The following TRMT2A variants were observed in gnomAD, a reference collection of about 807,000 sequenced individuals.
TRMT2A encodes tRNA methyltransferase 2A, also known as tRNA (uracil-5-)-methyltransferase homolog A.
In TRMT2A, 60 loss-of-function variants were observed where a neutral mutation model predicts 59.3. That is an observed-to-expected ratio of 1.01 (90% CI 0.82 to 1.26). TRMT2A has a LOEUF of 1.26. Among genes scored for constraint, TRMT2A ranks in the 50% most tolerant of loss-of-function variants. The pLI, the probability that TRMT2A is intolerant of heterozygous loss-of-function variation, is 0.00. For missense variants in TRMT2A, 863 were observed against 845.2 expected (o/e 1.02, Z -0.26); for synonymous variants, 403 against 353.7 (o/e 1.14, Z -1.56).
intron 1 of TRMT2A, 60 bp downstream of exon 1, chr22:20,116,823 A>ACCCCCCCCCCCCCCCC: frequency 7.7e-7 from 1 of 1,294,022 alleles, no homozygotes; most frequent in Non-Finnish European, 1.1e-6. Flanking sequence ...AGGTTTCCTG[A>ACCCCCCCCCCCCCCCC]CCCACCCCGC....
intron 7 of TRMT2A, among the ~76,000 whole-genome samples, chr22:20,114,213 C>T (rs1164500590): frequency 5.3e-5 from 8 of 152,178 alleles, no homozygotes; most frequent in African/African-American, 1.7e-4. Context: ...TCTCCAAAAA[C>T]GGCCGCTCCA....
chr22:20,116,455 C>T lies in TRMT2A; in HGVS notation c.182G>A (p.Ser61Asn), dbSNP rs2050022818. 1 of 1,612,868 alleles carries T rather than the reference C, an allele frequency of 6.2e-7. No homozygotes were observed. The highest frequency in any genetic ancestry group is 1.3e-5 in the African/African-American group (1 of 75,068). ...TGPGPQPGLY[S>N]YIRDDLFTSE... ...GGTAAACAAGTCATCCCTGATGTAG[C>T]TGTAGAGCCCGGGCTGAGGCCCCGG... is the stretch of plus-strand genomic sequence containing the variant. The change falls in exon 2 of 12, where the codon AGC becomes AAC. Residue 61 changes from serine (S) to asparagine (N), a missense_variant. Ser to Asn is a conservative substitution (Grantham distance 46). Transcript: ENST00000252136.
chr22:20,115,429 A>G lies in TRMT2A; in HGVS notation c.727T>C (p.Cys243Arg), dbSNP rs754700959. 1 of 1,609,846 alleles carries G rather than the reference A, an allele frequency of 6.2e-7. No individual in the cohort carries two copies. Among genetic ancestry groups the G allele is most frequent in the Non-Finnish European group, 8.5e-7 (1 of 1,178,780 alleles). ...SPQQTEYRNK[C>R]EFLVGVGVDG... Reference sequence around the variant, plus strand: ...ACCCCGACGCCAACCAGAAACTCACACTTATTACGATACTCAGTCTGCAGG... The same window carrying G: ...ACCCCGACGCCAACCAGAAACTCACGCTTATTACGATACTCAGTCTGCAGG... Residue 243 changes from cysteine (C) to arginine (R), a missense_variant, in exon 4 of 12, where the codon TGT becomes CGT. Cys to Arg is a radical substitution (Grantham distance 180, BLOSUM62 -3). Coordinates refer to ENST00000252136, the MANE Select transcript of TRMT2A (RefSeq NM_022727.6).
intron 2 of TRMT2A, 40 bp from the exon 3 acceptor site, chr22:20,115,820 GC>G: frequency 6.4e-7 from 1 of 1,568,076 alleles, no homozygotes; most frequent in Non-Finnish European, 8.7e-7. Context: ...TCCACCTACT[GC>G]CCCCGACCCA....
Position 20,113,443 on chromosome 22 carries a change from G to T in TRMT2A, c.1421C>A (p.Ala474Asp), listed in dbSNP as rs2049910552. Residue 474 changes from alanine to aspartate, a missense_variant, in exon 9 of 12, where the codon GCC becomes GAC. Physicochemically the swap from Ala to Asp is moderately radical, Grantham distance 126. Coordinates refer to ENST00000252136, the MANE Select transcript of TRMT2A (RefSeq NM_022727.6). The stretch of plus-strand genomic sequence containing the variant: ...GCCTTGCCACTCACCATTGTCCTGG[G>T]CGTTCACCCGGGCGTCCTCCACAGC... ...PEAVEDARVN[A>D]QDNELSNVEF... 1.2e-6 allele frequency: 2 copies of T among 1,612,066 alleles called. No homozygotes were observed. Among genetic ancestry groups the T allele is most frequent in the African/African-American group, 2.7e-5 (2 of 74,888 alleles).
chr22:20,113,725 C>T lies in TRMT2A; in HGVS notation c.1317G>A (p.Val439=), dbSNP rs761080550. Residue 439 remains valine (V), a synonymous_variant, in exon 8 of 12, where the codon GTG becomes GTA. Coordinates refer to ENST00000252136, the MANE Select transcript of TRMT2A (RefSeq NM_022727.6). ...GGCCAATGGTGCCGGTGCCACAGCA[C>T]ACGTCCAGCACCATGCTCCCCGCAT... ...QLDAGSMVLD[V]CCGTGTIGLA... 3.1e-6 allele frequency: 5 copies of T among 1,606,456 alleles called. No homozygotes were observed. Among genetic ancestry groups the T allele is most frequent in the South Asian group, 1.1e-5 (1 of 90,228 alleles).
Position 20,115,263 on chromosome 22 carries a change from C to T in TRMT2A, c.890+3G>A. On this transcript the variant is annotated splice_donor_region_variant and intron_variant, in intron 4 of 11. Coordinates refer to ENST00000252136, the MANE Select transcript of TRMT2A (RefSeq NM_022727.6). Reference sequence around the variant, plus strand: ...TCCCGGGAGCCCCGTCACAGGTCCTCACCGGATGAACTCCTGGAAGGCCTT... The same window carrying T: ...TCCCGGGAGCCCCGTCACAGGTCCTTACCGGATGAACTCCTGGAAGGCCTT... 2 of 1,610,180 alleles carry T rather than the reference C, an allele frequency of 1.2e-6. No homozygotes were observed. Among genetic ancestry groups the T allele is most frequent in the Non-Finnish European group, 1.7e-6 (2 of 1,177,870 alleles).
rs745660448 is a variant in TRMT2A at position 20,116,610 on chromosome 22, G to T, written c.27C>A (p.Gly9=). MSENLDNE[G]PKPMESCGQE... is the part of the protein sequence containing the mutation. ...GGCCACAGCTCTCCATGGGCTTCGG[G>T]CCCTGTGTGGGGACAGATGGGGTGC... is the stretch of plus-strand genomic sequence containing the variant. The change falls in exon 2 of 12, where the codon GGC becomes GGA. Residue 9 remains glycine (G), a splice_region_variant and synonymous_variant. Transcript: ENST00000252136. 6.5e-7 allele frequency: 1 copy of T among 1,535,708 alleles called. No individual in the cohort carries two copies. The highest frequency in any genetic ancestry group is 2.3e-5 in the East Asian group (1 of 44,288).
At position 20,114,598 on chromosome 22, in the gene TRMT2A, C is replaced by G; in HGVS notation, c.1209G>C (p.Arg403=). 1.2e-6 allele frequency: 2 copies of G among 1,613,786 alleles called. No individual in the cohort carries two copies. Among genetic ancestry groups the G allele is most frequent in the Non-Finnish European group, 1.7e-6 (2 of 1,180,008 alleles). ...IHEDLLGLTF[R]ISPHAFFQVN... is the part of the protein sequence containing the mutation. ...CCTGGAAGAAGGCGTGTGGAGAGATCCGGAAGGTCAGCCCTAGCAGGTCCT... is the reference window on the plus strand; with the variant it reads ...CCTGGAAGAAGGCGTGTGGAGAGATGCGGAAGGTCAGCCCTAGCAGGTCCT... Residue 403 remains arginine, a synonymous_variant, in exon 7 of 12, where the codon CGG becomes CGC. Coordinates refer to ENST00000252136, the MANE Select transcript of TRMT2A (RefSeq NM_022727.6).
At position 20,116,502 on chromosome 22, in the gene TRMT2A, C is replaced by G; in HGVS notation, c.135G>C (p.Glu45Asp). ...APAALEEVEKEGAGAATGPGP... is the reference protein window; with the variant it reads ...APAALEEVEKDGAGAATGPGP... Reference sequence around the variant, plus strand: ...CCGGCCCTGTAGCCGCCCCAGCGCCCTCTTTCTCCACCTCCTCCAGGGCTG... The same window carrying G: ...CCGGCCCTGTAGCCGCCCCAGCGCCGTCTTTCTCCACCTCCTCCAGGGCTG... Residue 45 changes from glutamate to aspartate, a missense_variant, in exon 2 of 12, where the codon GAG (glutamate) becomes GAC (aspartate). By Grantham distance (45) the Glu-to-Asp change is conservative (BLOSUM62 2). Transcript: ENST00000252136. 1 of 1,612,764 alleles carries G rather than the reference C, an allele frequency of 6.2e-7. No homozygotes were observed.
intron 7 of TRMT2A, among the ~76,000 whole-genome samples, 158 bp downstream of exon 7, chr22:20,114,416 G>A (rs1002288415): frequency 6.6e-6 from 1 of 152,178 alleles, no homozygotes; most frequent in East Asian, 1.9e-4. Flanking sequence ...TCAAATCAGT[G>A]ATGACCAACC....
At chr22:20,114,357 C>T (rs947493044) in intron 7 of TRMT2A, among the ~76,000 whole-genome samples, 2 of 150,464 alleles carry the variant, frequency 1.3e-5, no homozygotes, top group Non-Finnish European at 2.9e-5. Context: ...ACTCCTCATC[C>T]TCCCTGTGAC....
Position 20,112,413 on chromosome 22 carries a change from G to T in TRMT2A, c.*150C>A. 9.4e-7 allele frequency: 1 copy of T among 1,060,102 alleles called. No homozygotes were observed. Among genetic ancestry groups the T allele is most frequent in the Non-Finnish European group, 1.3e-6 (1 of 746,786 alleles). 65.7% of individuals were successfully genotyped at this position (1,060,102 alleles called of 1,614,324 possible). ...CCTGTCTTCCTGGTCAGGGCCCCTG[G>T]CCCCTAGCAGCAGGCCAATCCTGGT... On this transcript the variant is annotated 3_prime_UTR_variant, in exon 12 of 12. Coordinates refer to ENST00000252136, the MANE Select transcript of TRMT2A (RefSeq NM_022727.6).
chr22:20,113,342 G>A, intron 9 of TRMT2A, 90 bp downstream of exon 9: 1 of 1,525,330 alleles, frequency 6.6e-7, no homozygotes, highest in Non-Finnish European at 8.9e-7. Flanking sequence ...TACCTGTCGG[G>A]CAGCCCCCAA....
At chr22:20,116,638 G>A (rs1568976027) in intron 1 of TRMT2A, 26 bp from the exon 2 acceptor site, 2 of 1,521,900 alleles carry the variant, frequency 1.3e-6, no homozygotes, top group East Asian at 2.3e-5. Flanking sequence ...TGGGGTGCTA[G>A]GGTGAGGACT....
Position 20,115,343 on chromosome 22 carries a change from A to T in TRMT2A, c.813T>A (p.Ala271=), listed in dbSNP as rs895691373. 2 of 1,612,810 alleles carry T rather than the reference A, an allele frequency of 1.2e-6. No homozygotes were observed. The highest frequency in any genetic ancestry group is 4.5e-5 in the East Asian group (2 of 44,866). Residue 271 remains alanine (A), a synonymous_variant, in exon 4 of 12, where the codon GCT becomes GCA. Coordinates refer to ENST00000252136, the MANE Select transcript of TRMT2A (RefSeq NM_022727.6). ...GCACGGTGTCAAACGGGGCTGCCAC[A>T]GCACACGTCCCGCCCTTGTACTTGC... is the stretch of plus-strand genomic sequence containing the variant. ...RLGKYKGGTC[A]VAAPFDTVHI...
At position 20,112,306 on chromosome 22, in the gene TRMT2A, T is replaced by C. The variant is rs2049868321; in HGVS notation, c.*257A>G. ...CTCTCATCACAGAAACACCCTTTGTTGAGCAGTTGTTTATTCTGGCCCTCA... is the reference window on the plus strand; with the variant it reads ...CTCTCATCACAGAAACACCCTTTGTCGAGCAGTTGTTTATTCTGGCCCTCA... On this transcript the variant is annotated 3_prime_UTR_variant, in exon 12 of 12. Coordinates refer to ENST00000252136, the MANE Select transcript of TRMT2A (RefSeq NM_022727.6). 1.9e-6 allele frequency: 1 copy of C among 536,170 alleles called. No homozygotes were observed. Among genetic ancestry groups the C allele is most frequent in the South Asian group, 2.8e-5 (1 of 36,032 alleles). 33.2% of individuals were successfully genotyped at this position (536,170 alleles called of 1,614,324 possible).
chr22:20,116,683 T>G, intron 1 of TRMT2A, 71 bp from the exon 2 acceptor site: 1 of 1,491,144 alleles, frequency 6.7e-7, no homozygotes, highest in Non-Finnish European at 8.9e-7. Context: ...AGCTTCCTTA[T>G]GGGACACCCA....
chr22:20,113,401 C>CCCCCCCCCCCCCCCCCCCCAGCCCCAAA, intron 9 of TRMT2A, 31 bp downstream of exon 9: 1 of 893,472 alleles, frequency 1.1e-6, no homozygotes, highest in Non-Finnish European at 1.8e-6. Context: ...CTGCCCCCAT[C>CCCCCCCCCCCCCCCCCCCCAGCCCCAAA]CCCACCCCCA....
Sources: allele counts gnomAD v4.1 joint callset (sites outside exome capture counted in the v4.1 genomes callset), GRCh38; gene constraint gnomAD v4.1.1; transcripts MANE v1.5; gene names NCBI Gene and HGNC (gene_info 2026-07-23, HGNC 2026-07-21).